The following KAT14 variants were observed in gnomAD, a reference collection of about 807,000 sequenced individuals.
KAT14 encodes the protein lysine acetyltransferase 14, also known as cysteine-rich protein 2-binding protein.
KAT14 carries 66 observed loss-of-function variants against 78.4 expected under a neutral mutation model. The ratio of observed to expected loss-of-function variants is 0.84; its 90% CI spans 0.69 to 1.03. The LOEUF is 1.03. KAT14 is among the 50% of genes least tolerant of loss of function. The pLI, the probability that KAT14 is intolerant of heterozygous loss-of-function variation, is 0.00. For missense variants in KAT14, 870 were observed against 972.5 expected, an observed-to-expected ratio of 0.89 and a Z score of 1.40; for synonymous variants, 344 against 359.4, an observed-to-expected ratio of 0.96 and a Z score of 0.48.
intron 2 of KAT14, 64 bp from the exon 3 acceptor site, chr20:18,145,169 T>C: frequency 6.4e-7 from 1 of 1,564,922 alleles, no homozygotes; most frequent in African/African-American, 1.4e-5. Flanking sequence ...GATAAACGGA[T>C]TAAACCTTTA....
rs1371781472 is a variant in KAT14 at position 18,184,489 on chromosome 20, T to G, written c.1982-113T>G. ...TATGTTACCTCCAGTTTTGGTGTTT[T>G]TTTTTTTTTTTTTTAGCATGCAGGT... On this transcript the variant is annotated intron_variant, in intron 9 of 10. Coordinates refer to ENST00000688188, the MANE Select transcript of KAT14 (RefSeq NM_001392073.1). The G allele has an allele frequency of 1.8e-5, 16 of 881,136 alleles. No individual in the cohort carries two copies. In the African/African-American group the frequency reaches 1.9e-4, roughly 11 times the overall value. The allele number at this position is 881,136 out of a possible 1,614,324, so 54.6% of individuals were successfully genotyped here.
intron 7 of KAT14, among the ~76,000 whole-genome samples, chr20:18,164,996 A>T (rs186868686): frequency 6.6e-6 from 1 of 152,212 alleles, no homozygotes; most frequent in East Asian, 1.9e-4. Flanking sequence ...TTTAAATTGT[A>T]AGATGTGTCA....
rs370781244 is a variant in KAT14 at position 18,163,189 on chromosome 20, A to G, written c.1668+244A>G. Among the ~76,000 whole-genome samples the G allele has an allele frequency of 6.6e-5, 10 of 152,360 alleles. No homozygotes were observed. The East Asian group carries it at 1.3e-3, about 21-fold the overall frequency. ...TCCTTTAGGCATTCAAACATAACCT[A>G]TAAGTTTTCTTCATCTGTCTCTCTT... On this transcript the variant is annotated intron_variant, in intron 7 of 10. Transcript: ENST00000688188.
chr20:18,176,830 TTA>T (rs1439442800), intron 7 of KAT14, among the ~76,000 whole-genome samples: 1 of 151,948 alleles, frequency 6.6e-6, no homozygotes, highest in Non-Finnish European at 1.5e-5. Context: ...GGAAGTGAAT[TTA>T]TGTTTTTAGA....
Position 18,187,365 on chromosome 20 carries a change from A to C in KAT14, c.2252A>C (p.Lys751Thr), listed in dbSNP as rs771416556. 1 of 1,614,228 alleles carries C rather than the reference A, an allele frequency of 6.2e-7. No homozygotes were observed. The highest frequency in any genetic ancestry group is 8.5e-7 in the Non-Finnish European group (1 of 1,180,042). ...CTACTGTACCAGAAGTTTGGATTCA[A>C]GACTGAAGAATATGTATTAGATTTC... Reference protein sequence around the residue: ...AMLLYQKFGFKTEEYVLDFYD... With the variant: ...AMLLYQKFGFTTEEYVLDFYD... Residue 751 changes from lysine to threonine, a missense_variant, in exon 11 of 11, where the codon AAG becomes ACG. Coordinates refer to ENST00000688188, the MANE Select transcript of KAT14 (RefSeq NM_001392073.1).
At chr20:18,139,629 A>G (rs931008044) in intron 1 of KAT14, among the ~76,000 whole-genome samples, 1 of 129,032 alleles carries the variant, frequency 7.8e-6, no homozygotes, top group African/African-American at 2.7e-5. Context: ...AAGAACCAAA[A>G]TAACGTGTGT....
intron 7 of KAT14, among the ~76,000 whole-genome samples, chr20:18,172,344 C>T (rs887292327): frequency 6.6e-6 from 1 of 151,922 alleles, no homozygotes; most frequent in Non-Finnish European, 1.5e-5. Context: ...TCGTGATCCG[C>T]CCGCCTCGGC....
At chr20:18,157,147 G>A (rs117120769) in intron 4 of KAT14, among the ~76,000 whole-genome samples, 4,480 of 152,224 alleles carry the variant, frequency 0.029, 105 homozygotes, top group Non-Finnish European at 0.047. Context: ...GTACAAGTAC[G>A]CACCCGTTTT....
intron 2 of KAT14, among the ~76,000 whole-genome samples, chr20:18,144,932 A>T (rs1390108349): frequency 6.6e-6 from 1 of 152,198 alleles, no homozygotes; most frequent in Non-Finnish European, 1.5e-5. Flanking sequence ...AGAATGTGTG[A>T]AGAGACCTGC....
chr20:18,178,516 A>G (rs1432471192), intron 7 of KAT14, among the ~76,000 whole-genome samples: 1 of 152,196 alleles, frequency 6.6e-6, no homozygotes, highest in African/African-American at 2.4e-5. Context: ...GGGAGGCAAA[A>G]GCCACTCTTA....
intron 3 of KAT14, among the ~76,000 whole-genome samples, chr20:18,146,427 AG>A (rs2037827417): frequency 6.6e-6 from 1 of 152,204 alleles, no homozygotes; most frequent in African/African-American, 2.4e-5. Context: ...TGGGAGGCTG[AG>A]GGAGGCAGAT....
Position 18,147,875 on chromosome 20 carries a change from C to T in KAT14, c.378+2524C>T, listed in dbSNP as rs140503165. Among the ~76,000 whole-genome samples, 747 of 152,324 alleles carry T rather than the reference C, an allele frequency of 4.9e-3. 8 individuals are homozygous for T. The highest frequency in any genetic ancestry group is 0.017 in the African/African-American group (688 of 41,564). ...TGCTGGGATTACAGGCGTGAGCCAC[C>T]GTGCCCGGCCACTTTGCATATTTAA... On this transcript the variant is annotated intron_variant, in intron 3 of 10. Transcript: ENST00000688188.
In KAT14 at chr20:18,162,781, G is replaced by A; in HGVS notation, c.1504G>A (p.Asp502Asn). Residue 502 changes from aspartate (D) to asparagine (N), a missense_variant, in exon 7 of 11, where the codon GAT becomes AAT. Coordinates refer to ENST00000688188, the MANE Select transcript of KAT14 (RefSeq NM_001392073.1). The part of the protein sequence containing the change: ...RKLIVRQAKR[D>N]RGLPLFDLDQ... The stretch of plus-strand genomic sequence containing the variant: ...ACTGATTGTCAGACAAGCGAAAAGG[G>A]ATAGGGGATTACCACTTTTTGACTT... 1 of 1,614,226 alleles carries A rather than the reference G, an allele frequency of 6.2e-7. No individual in the cohort carries two copies. Among genetic ancestry groups the A allele is most frequent in the Non-Finnish European group, 8.5e-7 (1 of 1,180,042 alleles).
Position 18,187,552 on chromosome 20 carries a change from A to C in KAT14, c.*93A>C. 1 of 1,559,520 alleles carries C rather than the reference A, an allele frequency of 6.4e-7. No homozygotes were observed. ...AGTGATTGATTTCACAGGGAGCTCT[A>C]ATCTCTGTGATTACATGGTCCTTCA... On this transcript the variant is annotated 3_prime_UTR_variant, in exon 11 of 11. Transcript: ENST00000688188.
At chr20:18,151,514 CAG>C (rs151057514) in intron 4 of KAT14, among the ~76,000 whole-genome samples, 5,708 of 151,340 alleles carry the variant, frequency 0.038, 364 homozygotes, top group African/African-American at 0.13. Context: ...TTTGTAGAGA[CAG>C]GGGTCTCGTG....
intron 7 of KAT14, among the ~76,000 whole-genome samples, chr20:18,177,675 T>C (rs1290962566): frequency 1.3e-5 from 2 of 152,236 alleles, no homozygotes; most frequent in Non-Finnish European, 2.9e-5. Flanking sequence ...AACAAAGTTA[T>C]TTTCTAGGTT....
At chr20:18,168,493 A>G (rs2038737338) in intron 7 of KAT14, among the ~76,000 whole-genome samples, 1 of 151,966 alleles carries the variant, frequency 6.6e-6, no homozygotes, top group African/African-American at 2.4e-5. Context: ...ATGCCACTGC[A>G]CTCCAGCGTG....
At chr20:18,138,928 G>T (rs1002973740) in intron 1 of KAT14, among the ~76,000 whole-genome samples, 5 of 152,196 alleles carry the variant, frequency 3.3e-5, no homozygotes, top group Admixed American at 2.6e-4. Context: ...AGGGTCATTG[G>T]TGAATTTTCA....
chr20:18,142,853 G>GA lies in KAT14; in HGVS notation c.194dup (p.Asp65GlufsTer14). On this transcript the variant is annotated frameshift_variant, in exon 2 of 11. Coordinates refer to ENST00000688188, the MANE Select transcript of KAT14 (RefSeq NM_001392073.1). LOFTEE classifies it high-confidence loss of function. ...GGATTCCCTCAACAGTGATGAAGGA[G>GA]ACGTGTCTTGGATGGAGGAGCAGCT... The GA allele has an allele frequency of 6.2e-7, 1 of 1,614,196 alleles. No homozygotes were observed. The highest frequency in any genetic ancestry group is 1.1e-5 in the South Asian group (1 of 91,086).
Sources: allele counts gnomAD v4.1 joint callset (sites outside exome capture counted in the v4.1 genomes callset), GRCh38; gene constraint gnomAD v4.1.1; transcripts MANE v1.5; gene names NCBI Gene and HGNC (gene_info 2026-07-23, HGNC 2026-07-21).